The following NT5C2 variants were observed in gnomAD, a reference collection of about 807,000 sequenced individuals.
NT5C2 encodes the protein cytosolic purine 5'-nucleotidase.
A neutral mutation model predicts 76.1 loss-of-function variants in NT5C2; 58 were observed. The observed-to-expected ratio is 0.76, with a 90% CI of 0.62 to 0.95. The LOEUF is 0.95. NT5C2 is among the 40% of genes least tolerant of loss of function. The pLI is 0.00. For synonymous variants in NT5C2, 229 were observed against 237.4 expected (o/e 0.96, Z 0.32); for missense variants, 478 against 690.3 (o/e 0.69, Z 3.45).
intron 1 of NT5C2, among the ~76,000 whole-genome samples, chr10:103,186,358 A>G (rs1222901031): frequency 6.6e-6 from 1 of 152,240 alleles, no homozygotes; most frequent in Non-Finnish European, 1.5e-5. Flanking sequence ...GCCTTAGCAC[A>G]ATACAGTACT....
In NT5C2 at chr10:103,176,922, T is replaced by C. The variant is rs541221847; in HGVS notation, c.-24-1940A>G. 2.1e-4 allele frequency among the ~76,000 whole-genome samples: 32 copies of C among 152,300 alleles called. No homozygotes were observed. The South Asian group carries it at 5.8e-3, about 28-fold the overall frequency. ...TTAGGCTTTGGGGTTGGGGTAGGTC[T>C]GTAATGTGAAACAACTTGTCTTTTC... On this transcript the variant is annotated intron_variant, in intron 2 of 18. Transcript: ENST00000404739.
intron 5 of NT5C2, 116 bp downstream of exon 5, chr10:103,106,473 A>T: frequency 1.4e-6 from 1 of 699,870 alleles, no homozygotes. Flanking sequence ...ACAACAAAGA[A>T]TTATTCAATG....
At chr10:103,131,465 T>C (rs2078160828) in intron 4 of NT5C2, among the ~76,000 whole-genome samples, 1 of 152,218 alleles carries the variant, frequency 6.6e-6, no homozygotes, top group East Asian at 1.9e-4. Flanking sequence ...GGCGGAGCAC[T>C]TGTGAATGGG....
chr10:103,172,052 A>G, intron 3 of NT5C2, among the ~76,000 whole-genome samples: 1 of 152,038 alleles, frequency 6.6e-6, no homozygotes, highest in East Asian at 2.0e-4. Context: ...TCTACTAAAA[A>G]TTAAAAAATT....
At chr10:103,116,798 C>T (rs1182725820) in intron 4 of NT5C2, among the ~76,000 whole-genome samples, 1 of 151,276 alleles carries the variant, frequency 6.6e-6, no homozygotes, top group East Asian at 1.9e-4. Flanking sequence ...TGGTCTAGAA[C>T]TCCTGGCCTT....
chr10:103,161,875 G>A (rs970642455), intron 3 of NT5C2, among the ~76,000 whole-genome samples: 4 of 152,168 alleles, frequency 2.6e-5, no homozygotes, highest in African/African-American at 9.7e-5. Context: ...GACACGGGCT[G>A]GAGAGAGAGG....
intron 3 of NT5C2, among the ~76,000 whole-genome samples, chr10:103,140,996 G>A (rs1356965103): frequency 1.3e-5 from 2 of 152,092 alleles, no homozygotes; most frequent in African/African-American, 4.8e-5. Flanking sequence ...CTCCTTTGCT[G>A]CGCAGAAGCT....
At chr10:103,169,626 A>T (rs1022365803) in intron 3 of NT5C2, among the ~76,000 whole-genome samples, 2 of 150,244 alleles carry the variant, frequency 1.3e-5, no homozygotes, top group Non-Finnish European at 3.0e-5. Flanking sequence ...CTCAAAAAAA[A>T]TTATAATAAT....
chr10:103,187,984 T>A (rs934463627), intron 1 of NT5C2, among the ~76,000 whole-genome samples: 10 of 152,250 alleles, frequency 6.6e-5, no homozygotes, highest in African/African-American at 2.4e-4. Context: ...CCTGTCCTTA[T>A]GAATTTATAG....
In NT5C2 at chr10:103,106,716, G is replaced by C; in HGVS notation, c.176-10C>G. ...TCTGGGGACTTGTACACTGCACAAAGAGGAGGTTTTCATTAGTTAGCAGAA... is the reference window on the plus strand; with the variant it reads ...TCTGGGGACTTGTACACTGCACAAACAGGAGGTTTTCATTAGTTAGCAGAA... On this transcript the variant is annotated splice_polypyrimidine_tract_variant and intron_variant, in intron 4 of 18. Coordinates refer to ENST00000404739, the MANE Select transcript of NT5C2 (RefSeq NM_001351169.2). 1 of 1,499,742 alleles carries C rather than the reference G, an allele frequency of 6.7e-7. No individual in the cohort carries two copies. Among genetic ancestry groups the C allele is most frequent in the Non-Finnish European group, 9.3e-7 (1 of 1,078,696 alleles). The allele number at this position is 1,499,742 out of a possible 1,614,324, so 92.9% of individuals were successfully genotyped here. A position where few individuals can be genotyped will look rare whatever the true frequency, so the allele number is the denominator to read the frequency against.
At chr10:103,189,601 T>A (rs1175519253) in intron 1 of NT5C2, among the ~76,000 whole-genome samples, 2 of 145,122 alleles carry the variant, frequency 1.4e-5, no homozygotes, top group Non-Finnish European at 3.0e-5. Context: ...CGAGACTCCA[T>A]CTCAAAAAAA....
chr10:103,153,511 A>AT (rs1392853914), intron 3 of NT5C2: 2 of 985,034 alleles, frequency 2.0e-6, no homozygotes, highest in Non-Finnish European at 2.4e-6. Context: ...CTTAAGAATA[A>AT]TTTTTTTAAA....
intron 1 of NT5C2, among the ~76,000 whole-genome samples, chr10:103,184,239 C>G (rs1457681275): frequency 6.6e-6 from 1 of 152,086 alleles, no homozygotes; most frequent in Admixed American, 6.6e-5. Context: ...TGCCACCGTG[C>G]CCAGCCTATA....
intron 3 of NT5C2, chr10:103,146,050 G>A (rs770800270): frequency 9.0e-5 from 89 of 985,152 alleles, no homozygotes; most frequent in East Asian, 1.1e-4. Flanking sequence ...ACTGGTTGCC[G>A]TTTTGAAAAG....
chr10:103,131,007 A>G (rs1305449078), intron 4 of NT5C2, among the ~76,000 whole-genome samples: 2 of 152,230 alleles, frequency 1.3e-5, no homozygotes, highest in East Asian at 3.8e-4. Context: ...AAACAAGAAA[A>G]AAGAACTTTG....
intron 16 of NT5C2, among the ~76,000 whole-genome samples, chr10:103,091,233 G>A (rs980405637): frequency 1.3e-5 from 2 of 152,054 alleles, no homozygotes; most frequent in African/African-American, 4.8e-5. Flanking sequence ...ATGGGGTTTC[G>A]TTTGCCATGT....
chr10:103,166,825 T>C (rs1435070979), intron 3 of NT5C2, among the ~76,000 whole-genome samples: 1 of 151,920 alleles, frequency 6.6e-6, no homozygotes, highest in Non-Finnish European at 1.5e-5. Flanking sequence ...GCTAATCTTT[T>C]TACTTTTTGT....
intron 3 of NT5C2, among the ~76,000 whole-genome samples, chr10:103,157,954 C>A (rs1411965085): frequency 1.3e-5 from 2 of 151,722 alleles, no homozygotes; most frequent in Non-Finnish European, 2.9e-5. Context: ...GCACCTGTAG[C>A]CCCAGCTACT....
chr10:103,092,146 G>T (rs955503016), intron 15 of NT5C2, among the ~76,000 whole-genome samples: 1 of 152,180 alleles, frequency 6.6e-6, no homozygotes, highest in Non-Finnish European at 1.5e-5. Flanking sequence ...GCATGCTGCC[G>T]GTGTGTTGCA....
Sources: allele counts gnomAD v4.1 joint callset (sites outside exome capture counted in the v4.1 genomes callset), GRCh38; gene constraint gnomAD v4.1.1; transcripts MANE v1.5; gene names NCBI Gene and HGNC (gene_info 2026-07-23, HGNC 2026-07-21).